Variants in ING1 observed in about 807,000 individuals in gnomAD.
ING1 encodes the protein inhibitor of growth family member 1, also known as inhibitor of growth protein 1.
ING1 carries 4 observed loss-of-function variants against 23.1 expected under a neutral mutation model. The ratio of observed to expected loss-of-function variants is 0.17; its 90% confidence interval spans 0.09 to 0.40. The LOEUF is 0.40. Among genes scored for constraint, ING1 ranks in the 10% least tolerant of loss-of-function variants. The probability of loss-of-function intolerance (pLI) is 1.00; values close to 1 mark genes in which losing one functional copy is unlikely to be tolerated. For synonymous variants in ING1, 179 were observed against 166.4 expected, an observed-to-expected ratio of 1.08 and a Z score of -0.58; for missense variants, 256 against 393.8, an observed-to-expected ratio of 0.65 and a Z score of 2.96.
upstream of ING1, chr13:110,713,045 C>A (rs780995694): frequency 1.4e-6 from 2 of 1,468,610 alleles, no homozygotes; most frequent in East Asian, 5.0e-5. Context: ...GCGCATGCGC[C>A]GCCACTTCCG....
upstream of ING1, chr13:110,712,780 C>T (rs1253460380): frequency 5.6e-6 from 4 of 718,526 alleles, no homozygotes; most frequent in Admixed American, 4.0e-5. Context: ...AGAGATAAGG[C>T]CTAGGGAAGG....
In ING1 at chr13:110,719,694, C is replaced by A. The variant is rs773244634; in HGVS notation, c.602C>A (p.Ala201Asp). Reference protein sequence around the residue: ...KAKAEREASPADLPIDPNEPT... With the variant: ...KAKAEREASPDDLPIDPNEPT... ...AAGGCGGAGCGAGAGGCGTCCCCTG[C>A]CGACCTCCCCATCGACCCCAACGAA... Residue 201 changes from alanine to aspartate, a missense_variant, in exon 2 of 2, where the codon GCC becomes GAC. Ala to Asp is a moderately radical substitution (Grantham distance 126). This residue lies in a region of ING1 where 25 missense variants were observed against 95.8 expected (regional missense o/e 0.26). Transcript: ENST00000333219. This position sits in a 1 kb window ranked among gnomAD's most constrained non-coding sequence, Gnocchi z 8.9. 6.2e-7 allele frequency: 1 copy of A among 1,613,910 alleles called. No homozygotes were observed. Among genetic ancestry groups the A allele is most frequent in the Admixed American group, 1.7e-5 (1 of 59,954 alleles).
At chr13:110,717,750 C>T (rs933749309) in intron 1 of ING1, among the ~76,000 whole-genome samples, 1 of 152,188 alleles carries the variant, frequency 6.6e-6, no homozygotes, top group African/African-American at 2.4e-5. Flanking sequence ...TCGCTTGAAC[C>T]TGGGAGGCAG....
In ING1 at chr13:110,722,761, GATACA is replaced by G. The variant is rs1314788238; in HGVS notation, c.*2835_*2839del. On this transcript the variant is annotated 3_prime_UTR_variant, in exon 2 of 2. Coordinates refer to ENST00000333219, the MANE Select transcript of ING1 (RefSeq NM_198219.3). The stretch of plus-strand genomic sequence containing the variant: ...GCCACTTATTCTTTAAAAAAAAATA[GATACA>G]ATACAGAGTCGTGTTGGACTGGCAG... 4.6e-5 allele frequency: 7 copies of G among 152,156 alleles called. No homozygotes were observed. Among genetic ancestry groups the G allele is most frequent in the South Asian group, 2.1e-4 (1 of 4,826 alleles). 9.4% of individuals were successfully genotyped at this position (152,156 alleles called of 1,614,324 possible).
intron 1 of ING1, among the ~76,000 whole-genome samples, chr13:110,717,401 G>T (rs1484170465): frequency 2.0e-5 from 3 of 152,176 alleles, no homozygotes; most frequent in Admixed American, 1.3e-4. Flanking sequence ...AAGCTTCAGC[G>T]TTGGCCTGAG....
In ING1 at chr13:110,720,108, C is replaced by T. The variant is rs1221924831; in HGVS notation, c.*176C>T. Reference sequence around the variant, plus strand: ...TGTTTGCCTTTTGTTTTCATTGGTACACGTGTAACAAGAAAGTGGTCTGTG... The same window carrying T: ...TGTTTGCCTTTTGTTTTCATTGGTATACGTGTAACAAGAAAGTGGTCTGTG... On this transcript the variant is annotated 3_prime_UTR_variant, in exon 2 of 2. Transcript: ENST00000333219. 1 of 516,020 alleles carries T rather than the reference C, an allele frequency of 1.9e-6. No homozygotes were observed. The highest frequency in any genetic ancestry group is 3.4e-6 in the Non-Finnish European group (1 of 292,200). 32.0% of individuals were successfully genotyped at this position (516,020 alleles called of 1,614,324 possible).
At position 110,714,989 on chromosome 13, in the gene ING1, G is replaced by A. The variant is rs915710318; in HGVS notation, c.136+704G>A. 3 of 989,258 alleles carry A rather than the reference G, an allele frequency of 3.0e-6. No individual in the cohort carries two copies. In the African/African-American group the frequency reaches 5.2e-5, roughly 17 times the overall value. The allele number at this position is 989,258 out of a possible 1,614,324, so 61.3% of individuals were successfully genotyped here. ...AGGGAAGGGAAGGGGAGGAGCGGAG[G>A]CGGGGAAGGCGCCCATCTGCGCTGC... On this transcript the variant is annotated intron_variant, in intron 1 of 1. Transcript: ENST00000333219.
intron 1 of ING1, chr13:110,715,370 C>T: frequency 6.7e-7 from 1 of 1,496,190 alleles, no homozygotes; most frequent in Non-Finnish European, 8.9e-7. Context: ...GACGTAGCTT[C>T]GCAGCGAATT....
rs1299352235 is a variant in ING1 at position 110,713,870 on chromosome 13, C to T, written c.-280C>T. ...GCGCGCTCGTACGCGCGGCCCCCGG[C>T]GCCAGCCCCGCCGCCTGAGAGGGGG... On this transcript the variant is annotated 5_prime_UTR_variant, in exon 1 of 2. Coordinates refer to ENST00000333219, the MANE Select transcript of ING1 (RefSeq NM_198219.3). The T allele has an allele frequency of 4.1e-6, 4 of 981,266 alleles. No individual in the cohort carries two copies. The highest frequency in any genetic ancestry group is 3.6e-6 in the Non-Finnish European group (3 of 828,198). 60.8% of individuals were successfully genotyped at this position (981,266 alleles called of 1,614,324 possible).
chr13:110,721,269 CATTTATTATTTTTT>C lies in ING1; in HGVS notation c.*1342_*1355del, dbSNP rs1335022999. Reference sequence around the variant, plus strand: ...ATATTGAAAGGGTCAGTGGAGTTTTCATTTATTATTTTTTATTTTTTTGAGATTGAGTTCCAGGC... The same window carrying C: ...ATATTGAAAGGGTCAGTGGAGTTTTCATTTTTTTGAGATTGAGTTCCAGGC... On this transcript the variant is annotated 3_prime_UTR_variant, in exon 2 of 2. Coordinates refer to ENST00000333219, the MANE Select transcript of ING1 (RefSeq NM_198219.3). 10 of 152,516 alleles carry C rather than the reference CATTTATTATTTTTT, an allele frequency of 6.6e-5. No individual in the cohort carries two copies. Among genetic ancestry groups the C allele is most frequent in the African/African-American group, 2.4e-4 (10 of 41,450 alleles). The allele number at this position is 152,516 out of a possible 1,614,324, so 9.4% of individuals were successfully genotyped here. A position where few individuals can be genotyped will look rare whatever the true frequency, so the allele number is the denominator to read the frequency against.
At chr13:110,717,959 T>C (rs1340687157) in intron 1 of ING1, among the ~76,000 whole-genome samples, 1 of 152,118 alleles carries the variant, frequency 6.6e-6, no homozygotes, top group Non-Finnish European at 1.5e-5. Flanking sequence ...TCTGTGTATT[T>C]AAGTAGCCTT....
rs2064076477 is a variant in ING1, at chr13:110,714,058, C to T, written c.-92C>T. 3.0e-6 allele frequency: 4 copies of T among 1,331,028 alleles called. No individual in the cohort carries two copies. Among genetic ancestry groups the T allele is most frequent in the Non-Finnish European group, 3.9e-6 (4 of 1,033,038 alleles). The allele number at this position is 1,331,028 out of a possible 1,614,324, so 82.5% of individuals were successfully genotyped here. Reference sequence around the variant, plus strand: ...CGGGGGGGCGCCGGGAGAGCGAGGGCTTTGCATTTTGCAGTGCTATTTTTT... The same window carrying T: ...CGGGGGGGCGCCGGGAGAGCGAGGGTTTTGCATTTTGCAGTGCTATTTTTT... On this transcript the variant is annotated 5_prime_UTR_variant, in exon 1 of 2. Coordinates refer to ENST00000333219, the MANE Select transcript of ING1 (RefSeq NM_198219.3).
chr13:110,714,040 G>T lies in ING1; in HGVS notation c.-110G>T, dbSNP rs542532355. The stretch of plus-strand genomic sequence containing the variant: ...GGCCGAAGCAGGAGCCGGCGGGGGG[G>T]CGCCGGGAGAGCGAGGGCTTTGCAT... On this transcript the variant is annotated 5_prime_UTR_variant, in exon 1 of 2. Transcript: ENST00000333219. 131 of 1,234,522 alleles carry T rather than the reference G, an allele frequency of 1.1e-4. 1 individual carries two copies. The highest frequency in any genetic ancestry group is 1.3e-4 in the Non-Finnish European group (128 of 983,686). 76.5% of individuals were successfully genotyped at this position (1,234,522 alleles called of 1,614,324 possible).
At chr13:110,715,805 G>C in intron 1 of ING1, 2 of 1,586,916 alleles carry the variant, frequency 1.3e-6, no homozygotes, top group Non-Finnish European at 1.7e-6. Flanking sequence ...GAGGCCTGGC[G>C]GGTGTCGCCC....
In ING1 at chr13:110,719,165, C is replaced by A; in HGVS notation, c.137-64C>A. The A allele has an allele frequency of 1.3e-6, 2 of 1,537,602 alleles. No individual in the cohort carries two copies. The highest frequency in any genetic ancestry group is 1.4e-5 in the African/African-American group (1 of 73,704). The stretch of plus-strand genomic sequence containing the variant: ...CTGCCAGCCCTCTCCGTAGACCCGT[C>A]CGGGGCCGTGTGGGTTGTCCCGGTG... On this transcript the variant is annotated intron_variant, in intron 1 of 1. Coordinates refer to ENST00000333219, the MANE Select transcript of ING1 (RefSeq NM_198219.3). The surrounding 1 kb of genome is among the most constrained non-coding windows in gnomAD (Gnocchi z 8.9).
At chr13:110,713,299 G>A (rs1776670225), upstream of ING1, 7 of 1,237,472 alleles carry the variant, frequency 5.7e-6, no homozygotes, top group East Asian at 3.5e-5. Context: ...TAGTTGCTGT[G>A]TACCATGGTC....
chr13:110,712,979 T>C (rs751736049), upstream of ING1: 24 of 1,556,260 alleles, frequency 1.5e-5, no homozygotes, highest in Non-Finnish European at 2.0e-5. Context: ...GCGGAATGGG[T>C]AGGTCTCCCG....
At position 110,714,059 on chromosome 13, in the gene ING1, T is replaced by G. The variant is rs1259075902; in HGVS notation, c.-91T>G. 1 of 1,339,966 alleles carries G rather than the reference T, an allele frequency of 7.5e-7. No homozygotes were observed. Among genetic ancestry groups the G allele is most frequent in the African/African-American group, 1.5e-5 (1 of 65,684 alleles). The allele number at this position is 1,339,966 out of a possible 1,614,324, so 83.0% of individuals were successfully genotyped here. ...GGGGGGGCGCCGGGAGAGCGAGGGC[T>G]TTGCATTTTGCAGTGCTATTTTTTG... On this transcript the variant is annotated 5_prime_UTR_variant, in exon 1 of 2. Coordinates refer to ENST00000333219, the MANE Select transcript of ING1 (RefSeq NM_198219.3).
chr13:110,714,383 A>C, intron 1 of ING1, 98 bp downstream of exon 1: 51 of 1,131,348 alleles, frequency 4.5e-5, no homozygotes, highest in East Asian at 1.5e-4. Context: ...GACCGGAGGA[A>C]GCGGCCGGCT....
Sources: gnomAD v4.1 joint callset for allele counts (sites outside exome capture counted in the v4.1 genomes callset) on GRCh38, gnomAD v4.1.1 for gene constraint, gnomAD v4.1.1 regional missense constraint, Gnocchi (gnomAD v3.1) non-coding constraint, MANE v1.5 for transcripts, NCBI Gene and HGNC (gene_info 2026-07-23, HGNC 2026-07-21) for gene names.